The following DSCAM variants were observed in gnomAD, a reference collection of about 807,000 sequenced individuals.
The protein encoded by DSCAM is DS cell adhesion molecule.
Under a neutral mutation model 217.7 loss-of-function variants are expected in DSCAM, and 47 were observed. The observed-to-expected ratio is 0.22, with a 90% confidence interval of 0.17 to 0.28. The LOEUF (loss-of-function observed/expected upper bound fraction) is 0.28, where lower values mean the gene tolerates loss of function less well. Among genes scored for constraint, DSCAM ranks in the 10% least tolerant of loss-of-function variants. The pLI, the probability that DSCAM is intolerant of heterozygous loss-of-function variation, is 1.00. For synonymous variants in DSCAM, 1,056 were observed against 1,015.3 expected (o/e 1.04, Z -0.76); for missense variants, 2,080 against 2,618.3 (o/e 0.79, Z 4.49).
At chr21:40,147,416 A>G (rs1009449215) in intron 16 of DSCAM, among the ~76,000 whole-genome samples, 1 of 152,208 alleles carries the variant, frequency 6.6e-6, no homozygotes, top group Non-Finnish European at 1.5e-5. Context: ...CTTAACTATA[A>G]TAGACAACGC....
At chr21:40,845,786 A>G (rs987803950) in intron 1 of DSCAM, among the ~76,000 whole-genome samples, 1 of 152,166 alleles carries the variant, frequency 6.6e-6, no homozygotes, top group Admixed American at 6.5e-5. Context: ...TTCCCACAAG[A>G]GAGGAAGCCA....
At chr21:40,628,339 ACAAGCCT>A (rs1305494713) in intron 3 of DSCAM, among the ~76,000 whole-genome samples, 3 of 152,200 alleles carry the variant, frequency 2.0e-5, no homozygotes, top group African/African-American at 7.2e-5. Flanking sequence ...TTGAACCTCT[ACAAGCCT>A]CAACTGCACT....
intron 11 of DSCAM, among the ~76,000 whole-genome samples, chr21:40,189,722 A>T (rs2146832013): frequency 6.6e-6 from 1 of 152,258 alleles, no homozygotes; most frequent in East Asian, 1.9e-4. Context: ...TTCTCTGCAC[A>T]AGTGCTCTCT....
At chr21:40,089,733 GC>G (rs1158514006) in intron 21 of DSCAM, among the ~76,000 whole-genome samples, 1 of 152,052 alleles carries the variant, frequency 6.6e-6, no homozygotes, top group Non-Finnish European at 1.5e-5. Flanking sequence ...CAGTGTCTGG[GC>G]TTCTGGGTGG....
chr21:40,588,041 T>C (rs1413649193), intron 3 of DSCAM, among the ~76,000 whole-genome samples: 1 of 152,164 alleles, frequency 6.6e-6, no homozygotes, highest in Non-Finnish European at 1.5e-5. Flanking sequence ...TTGCAGAGAT[T>C]TGCAAAATTG....
intron 16 of DSCAM, among the ~76,000 whole-genome samples, chr21:40,158,527 G>A (rs191272822): frequency 1.1e-4 from 17 of 152,308 alleles, no homozygotes; most frequent in Admixed American, 9.2e-4. Context: ...GAACACTCTG[G>A]CTTATGTTGA....
intron 5 of DSCAM, among the ~76,000 whole-genome samples, chr21:40,350,216 C>A (rs1335196194): frequency 6.6e-6 from 1 of 152,158 alleles, no homozygotes; most frequent in Non-Finnish European, 1.5e-5. Context: ...CCATTCAGGA[C>A]ATATGCATGG....
intron 16 of DSCAM, among the ~76,000 whole-genome samples, chr21:40,161,433 C>A (rs2090540630): frequency 1.3e-5 from 2 of 152,064 alleles, no homozygotes; most frequent in South Asian, 4.1e-4. Flanking sequence ...AAAAGCACCA[C>A]CTCTTGATAT....
At chr21:40,480,632 G>T (rs2145986259) in intron 3 of DSCAM, among the ~76,000 whole-genome samples, 1 of 152,310 alleles carries the variant, frequency 6.6e-6, no homozygotes, top group South Asian at 2.1e-4. Context: ...CAATTTTGAT[G>T]ATAGAAATTT....
intron 20 of DSCAM, among the ~76,000 whole-genome samples, chr21:40,122,311 T>C (rs186035939): frequency 7.2e-4 from 110 of 152,210 alleles, no homozygotes; most frequent in African/African-American, 2.4e-3. Context: ...AAAGATAAGA[T>C]GATTGAGAAG....
chr21:40,052,881 G>A (rs183021375), intron 29 of DSCAM, among the ~76,000 whole-genome samples: 229 of 152,220 alleles, frequency 1.5e-3, no homozygotes, highest in African/African-American at 5.0e-3. Flanking sequence ...GTTTGAGCTG[G>A]GTCATTATTT....
intron 24 of DSCAM, among the ~76,000 whole-genome samples, chr21:40,081,400 C>T (rs151134843): frequency 0.012 from 1,800 of 152,224 alleles, 29 homozygotes; most frequent in African/African-American, 0.041. Flanking sequence ...CCTTACATGG[C>T]GATCACTCAT....
chr21:40,350,367 G>A (rs1441189113), intron 5 of DSCAM, among the ~76,000 whole-genome samples: 1 of 151,850 alleles, frequency 6.6e-6, no homozygotes, highest in Non-Finnish European at 1.5e-5. Context: ...CAGAATGGGA[G>A]AAAATTTTTG....
intron 3 of DSCAM, among the ~76,000 whole-genome samples, chr21:40,373,080 A>C (rs2074914938): frequency 6.6e-6 from 1 of 152,166 alleles, no homozygotes; most frequent in Admixed American, 6.5e-5. Context: ...AGCCGCAAAA[A>C]ACACTCATAG....
Position 40,133,775 on chromosome 21 carries a change from G to A in DSCAM, c.3562+79C>T, listed in dbSNP as rs1345916391. 4 of 1,488,094 alleles carry A rather than the reference G, an allele frequency of 2.7e-6. No individual in the cohort carries two copies. The African/African-American group carries it at 4.2e-5, about 16-fold the overall frequency. 92.2% of individuals were successfully genotyped at this position (1,488,094 alleles called of 1,614,324 possible). Reference sequence around the variant, plus strand: ...TGCACTGAGAATAGCCTGATGAACTGCAGGGTAAAGGCAAGTGAGCTCTCT... The same window carrying A: ...TGCACTGAGAATAGCCTGATGAACTACAGGGTAAAGGCAAGTGAGCTCTCT... On this transcript the variant is annotated intron_variant, in intron 19 of 32. Transcript: ENST00000400454.
At chr21:40,658,282 G>A (rs937527605) in intron 3 of DSCAM, among the ~76,000 whole-genome samples, 1 of 152,184 alleles carries the variant, frequency 6.6e-6, no homozygotes, top group Non-Finnish European at 1.5e-5. Flanking sequence ...TTCCTGCCTG[G>A]TTTACAAAAT....
At chr21:40,535,762 TAG>T (rs1429680781) in intron 3 of DSCAM, among the ~76,000 whole-genome samples, 1 of 152,106 alleles carries the variant, frequency 6.6e-6, no homozygotes, top group East Asian at 1.9e-4. Flanking sequence ...TGTGAGACTG[TAG>T]AGAGACGCGG....
At position 40,076,472 on chromosome 21, in the gene DSCAM, T is replaced by C. The variant is rs1170573101; in HGVS notation, c.4712-1259A>G. On this transcript the variant is annotated intron_variant, in intron 26 of 32. Transcript: ENST00000400454. ...CAGGCAGATGTGACAATAGAGGCTA[T>C]CCATTCATGAGACTGGTCCAAAGAA... Among the ~76,000 whole-genome samples the C allele has an allele frequency of 3.0e-4, 46 of 152,212 alleles. 1 individual carries two copies. Among genetic ancestry groups the C allele is most frequent in the Admixed American group, 3.0e-3 (46 of 15,290 alleles).
chr21:40,440,895 T>C (rs1169961333), intron 3 of DSCAM, among the ~76,000 whole-genome samples: 1 of 152,214 alleles, frequency 6.6e-6, no homozygotes, highest in African/African-American at 2.4e-5. Context: ...CTATTATTAA[T>C]ACAGTTATCA....
Sources: gnomAD v4.1 joint callset for allele counts (sites outside exome capture counted in the v4.1 genomes callset) on GRCh38, gnomAD v4.1.1 for gene constraint, MANE v1.5 for transcripts, NCBI Gene and HGNC (gene_info 2026-07-23, HGNC 2026-07-21) for gene names.